The following LMO1 variants were observed in gnomAD, a reference collection of about 807,000 sequenced individuals.
The protein encoded by LMO1 is rhombotin-1.
A neutral mutation model predicts 18.0 loss-of-function variants in LMO1; 10 were observed. The observed-to-expected ratio is 0.55, with a 90% CI of 0.34 to 0.94. LMO1 has a LOEUF of 0.94. Ranked by LOEUF, LMO1 falls within the 40% of genes least tolerant of loss-of-function variation. The pLI, the probability that LMO1 is intolerant of heterozygous loss-of-function variation, is 0.02. For synonymous variants in LMO1, 77 were observed against 77.9 expected (o/e 0.99, Z 0.06); for missense variants, 183 against 205.7 (o/e 0.89, Z 0.68).
At chr11:8,236,425 C>G (rs1421181312) in intron 1 of LMO1, among the ~76,000 whole-genome samples, 1 of 151,278 alleles carries the variant, frequency 6.6e-6, no homozygotes, top group African/African-American at 2.4e-5. Flanking sequence ...AGGCTGGTCT[C>G]GAACTCCTGG....
chr11:8,248,930 A>AGAGAAGG (rs1846941120), intron 1 of LMO1, among the ~76,000 whole-genome samples: 1 of 152,132 alleles, frequency 6.6e-6, no homozygotes, highest in Admixed American at 6.5e-5. Context: ...CAGAGGGGGA[A>AGAGAAGG]GTGAAGGGTC....
intron 3 of LMO1, among the ~76,000 whole-genome samples, chr11:8,226,584 A>T (rs1952546321): frequency 6.6e-6 from 1 of 152,294 alleles, no homozygotes; most frequent in East Asian, 1.9e-4. Flanking sequence ...GCACATACAC[A>T]TACACCCCCA....
intron 3 of LMO1, 71 bp from the exon 4 acceptor site, chr11:8,224,792 A>C: frequency 2.1e-6 from 2 of 974,056 alleles, no homozygotes; most frequent in East Asian, 2.7e-5. Context: ...TGCAGACAGA[A>C]GCCGGCCTGG....
At chr11:8,262,748 T>A (rs1228086458) in intron 1 of LMO1, among the ~76,000 whole-genome samples, 1 of 152,094 alleles carries the variant, frequency 6.6e-6, no homozygotes, top group African/African-American at 2.4e-5. Flanking sequence ...GAGGCGGCTC[T>A]CTTTCTCACC....
chr11:8,234,905 T>C (rs948105822), intron 1 of LMO1, among the ~76,000 whole-genome samples: 4 of 152,214 alleles, frequency 2.6e-5, no homozygotes, highest in Middle Eastern at 3.2e-3. Context: ...AGACTGAGGC[T>C]AAGAGTTCAG....
intron 1 of LMO1, among the ~76,000 whole-genome samples, chr11:8,258,194 C>T (rs773195327): frequency 4.6e-5 from 7 of 152,170 alleles, no homozygotes; most frequent in Admixed American, 6.5e-5. Context: ...TACCTTCTGC[C>T]CTAACATCTT....
chr11:8,265,605 AG>A (rs1236638821), upstream of LMO1, among the ~76,000 whole-genome samples: 5 of 152,238 alleles, frequency 3.3e-5, no homozygotes, highest in African/African-American at 1.2e-4. Context: ...CAGACTCACC[AG>A]CCTCAGGACT....
upstream of LMO1, among the ~76,000 whole-genome samples, chr11:8,267,083 TC>T (rs1252060291): frequency 6.6e-6 from 1 of 152,220 alleles, no homozygotes; most frequent in African/African-American, 2.4e-5. Flanking sequence ...AAACTTTTCC[TC>T]TTTTGGTTTC....
At chr11:8,239,841 C>A (rs74861581) in intron 1 of LMO1, among the ~76,000 whole-genome samples, 2 of 152,198 alleles carry the variant, frequency 1.3e-5, no homozygotes, top group Non-Finnish European at 2.9e-5. Context: ...TCCAGTCTCA[C>A]CCCCAGCACC....
At chr11:8,230,076 G>A (rs35559155) in intron 2 of LMO1, among the ~76,000 whole-genome samples, 6,605 of 152,296 alleles carry the variant, frequency 0.043, 154 homozygotes, top group Middle Eastern at 0.058. Flanking sequence ...CTGGACTTGT[G>A]CTGGGTACCG....
upstream of LMO1, among the ~76,000 whole-genome samples, chr11:8,266,411 C>T (rs938082417): frequency 6.6e-6 from 1 of 151,732 alleles, no homozygotes; most frequent in African/African-American, 2.4e-5. Flanking sequence ...GGTCCAGGGA[C>T]ACGCCCACAG....
At chr11:8,231,471 G>A (rs983280630) in intron 1 of LMO1, among the ~76,000 whole-genome samples, 3 of 152,238 alleles carry the variant, frequency 2.0e-5, no homozygotes, top group Non-Finnish European at 4.4e-5. Context: ...AGGAGATGGG[G>A]ACATATGTCG....
At chr11:8,235,916 G>A (rs1952753697) in intron 1 of LMO1, among the ~76,000 whole-genome samples, 1 of 152,214 alleles carries the variant, frequency 6.6e-6, no homozygotes, top group South Asian at 2.1e-4. Context: ...ACATGAGACA[G>A]GATAGTGAGA....
chr11:8,236,227 T>C lies in LMO1; in HGVS notation c.26-5723A>G, dbSNP rs547074678. On this transcript the variant is annotated intron_variant, in intron 1 of 3. Coordinates refer to ENST00000335790, the MANE Select transcript of LMO1 (RefSeq NM_002315.3). ...TTTTTTTAAAGACAGGGTCTTCCTCTGTCTCCCATGCTGGAGTGTAGTGAT... is the reference window on the plus strand; with the variant it reads ...TTTTTTTAAAGACAGGGTCTTCCTCCGTCTCCCATGCTGGAGTGTAGTGAT... Among the ~76,000 whole-genome samples, 3 of 151,698 alleles carry C rather than the reference T, an allele frequency of 2.0e-5. No individual in the cohort carries two copies. The South Asian group carries it at 6.3e-4, about 32-fold the overall frequency.
chr11:8,264,260 A>T (rs1358699126), upstream of LMO1, among the ~76,000 whole-genome samples: 1 of 151,736 alleles, frequency 6.6e-6, no homozygotes, highest in Admixed American at 6.6e-5. Context: ...ACTACTCCTG[A>T]CCCCAGCAGC....
chr11:8,232,009 G>T lies in LMO1; in HGVS notation c.26-1505C>A, dbSNP rs535484988. ...GAAATTGAGGCTCAGACAGTTACAG[G>T]GGCTTGAGTCAGCCACCGTCAAGCT... On this transcript the variant is annotated intron_variant, in intron 1 of 3. Transcript: ENST00000335790. Among the ~76,000 whole-genome samples the T allele has an allele frequency of 4.6e-5, 7 of 152,210 alleles. No homozygotes were observed. The East Asian group carries it at 1.4e-3, about 29-fold the overall frequency.
upstream of LMO1, among the ~76,000 whole-genome samples, chr11:8,266,721 T>G (rs572843445): frequency 6.6e-6 from 1 of 152,174 alleles, no homozygotes; most frequent in South Asian, 2.1e-4. Flanking sequence ...GGGTGGGAGA[T>G]AGTGGGACCC....
intron 1 of LMO1, among the ~76,000 whole-genome samples, chr11:8,247,223 A>G (rs1052126990): frequency 2.0e-5 from 3 of 152,172 alleles, no homozygotes; most frequent in African/African-American, 7.2e-5. Flanking sequence ...ACATAACAGT[A>G]TGTGCATAAT....
At chr11:8,230,212 G>T in intron 2 of LMO1, 79 bp downstream of exon 2, 3 of 1,301,298 alleles carry the variant, frequency 2.3e-6, no homozygotes, top group Non-Finnish European at 3.3e-6. Context: ...AGGGCCGGGG[G>T]CACAGTCACG....
Sources: gnomAD v4.1 joint callset for allele counts (sites outside exome capture counted in the v4.1 genomes callset) on GRCh38, gnomAD v4.1.1 for gene constraint, MANE v1.5 for transcripts, NCBI Gene and HGNC (gene_info 2026-07-23, HGNC 2026-07-21) for gene names.